AJAP1: variants seen among roughly 807,000 people sequenced by gnomAD.
AJAP1 encodes the protein adherens junction-associated protein 1.
AJAP1 carries 5 observed loss-of-function variants against 35.0 expected under a neutral mutation model. That is an observed-to-expected ratio of 0.14 (90% CI 0.07 to 0.30). The LOEUF is 0.30. Ranked by LOEUF, AJAP1 falls within the 10% of genes least tolerant of loss-of-function variation. The pLI is 1.00. For synonymous variants in AJAP1, 284 were observed against 249.3 expected (o/e 1.14, Z -1.31); for missense variants, 586 against 571.0 (o/e 1.03, Z -0.27).
rs554664356 is a variant in AJAP1 at position 4,770,086 on chromosome 1, C to T, written c.917+146C>T. ...AGTTCAGCTGCCACAGGCTGCTCAC[C>T]GTCCAGCGCTGCCCTTTGGCCCGGC... On this transcript the variant is annotated intron_variant, in intron 3 of 5. Transcript: ENST00000378191. 49 of 722,766 alleles carry T rather than the reference C, an allele frequency of 6.8e-5. No individual in the cohort carries two copies. The South Asian group carries it at 7.0e-4, about 10-fold the overall frequency. The allele number at this position is 722,766 out of a possible 1,614,324, so 44.8% of individuals were successfully genotyped here. A position where few individuals can be genotyped will look rare whatever the true frequency, so the allele number is the denominator to read the frequency against.
At chr1:4,737,794 C>T (rs1640963794) in intron 2 of AJAP1, among the ~76,000 whole-genome samples, 1 of 152,168 alleles carries the variant, frequency 6.6e-6, no homozygotes, top group South Asian at 2.1e-4. Flanking sequence ...CCCAGCTACT[C>T]GAGAGGCTGA....
intron 1 of AJAP1, among the ~76,000 whole-genome samples, chr1:4,701,275 C>G (rs937415056): frequency 4.6e-5 from 7 of 152,242 alleles, no homozygotes; most frequent in Non-Finnish European, 8.8e-5. Flanking sequence ...TAGTCTCCCG[C>G]ACACCCCTGC....
intron 2 of AJAP1, among the ~76,000 whole-genome samples, chr1:4,719,129 A>G (rs1198676641): frequency 2.0e-5 from 3 of 152,164 alleles, no homozygotes. Context: ...GAGTGTAGAG[A>G]TTAAATGTTA....
At chr1:4,679,618 A>C (rs1479304386) in intron 1 of AJAP1, among the ~76,000 whole-genome samples, 1 of 152,138 alleles carries the variant, frequency 6.6e-6, no homozygotes, top group African/African-American at 2.4e-5. Context: ...TGTAGGGTAG[A>C]ATCCTTCCTT....
chr1:4,780,098 T>C (rs7544523), intron 5 of AJAP1, among the ~76,000 whole-genome samples: 112,926 of 145,470 alleles, frequency 0.78, 44,082 homozygotes, highest in East Asian at 0.97. Flanking sequence ...GAGCTGAGAT[T>C]GTGCCACTGC....
chr1:4,762,747 ACC>A lies in AJAP1; in HGVS notation c.830-7103_830-7102del, dbSNP rs1157721883. Among the ~76,000 whole-genome samples the A allele has an allele frequency of 3.3e-5, 5 of 151,884 alleles. No individual in the cohort carries two copies. The South Asian group carries it at 1.0e-3, about 32-fold the overall frequency. ...ATTAAGCCTGAGGGTGATTGTGGGG[ACC>A]CCAAATGGCACTGTGCAACCTTGGG... On this transcript the variant is annotated intron_variant, in intron 2 of 5. Coordinates refer to ENST00000378191, the MANE Select transcript of AJAP1 (RefSeq NM_018836.4).
At chr1:4,764,588 C>A (rs1335902382) in intron 2 of AJAP1, among the ~76,000 whole-genome samples, 1 of 152,216 alleles carries the variant, frequency 6.6e-6, no homozygotes, top group Non-Finnish European at 1.5e-5. Flanking sequence ...CACTTTGAGT[C>A]CCAATGTCAC....
chr1:4,685,252 A>G (rs1389334488), intron 1 of AJAP1, among the ~76,000 whole-genome samples: 4 of 152,236 alleles, frequency 2.6e-5, no homozygotes, highest in African/African-American at 9.6e-5. Flanking sequence ...TGCACCATCA[A>G]TACATTACCT....
rs374563808 is a variant in AJAP1 at position 4,739,924 on chromosome 1, AG to A, written c.829+27226del. On this transcript the variant is annotated intron_variant, in intron 2 of 5. Transcript: ENST00000378191. ...CCCAGGCCTTACCCATCATCTACTG[AG>A]AGGGCTTCCGGGATGGCTTCCCACC... is the stretch of plus-strand genomic sequence containing the variant. 3.2e-4 allele frequency among the ~76,000 whole-genome samples: 48 copies of A among 152,272 alleles called. No homozygotes were observed. In the East Asian group the frequency reaches 9.1e-3, roughly 29 times the overall value.
intron 1 of AJAP1, among the ~76,000 whole-genome samples, chr1:4,699,168 G>A (rs1006550289): frequency 1.3e-5 from 2 of 152,152 alleles, no homozygotes; most frequent in East Asian, 1.9e-4. Context: ...GAGTGGGCCC[G>A]CTGGGAAGCT....
intron 2 of AJAP1, among the ~76,000 whole-genome samples, chr1:4,752,375 G>A (rs1390516317): frequency 6.6e-6 from 1 of 152,086 alleles, no homozygotes; most frequent in Non-Finnish European, 1.5e-5. Flanking sequence ...AAGAGAGGAC[G>A]TCATGATCAG....
intron 2 of AJAP1, among the ~76,000 whole-genome samples, chr1:4,752,947 C>T (rs960500672): frequency 2.0e-5 from 3 of 152,228 alleles, no homozygotes; most frequent in African/African-American, 7.2e-5. Flanking sequence ...TTCCCGCCAA[C>T]CCTTCCTGGG....
intron 2 of AJAP1, among the ~76,000 whole-genome samples, chr1:4,753,249 CTT>C (rs1231640559): frequency 6.6e-6 from 1 of 152,164 alleles, no homozygotes; most frequent in African/African-American, 2.4e-5. Flanking sequence ...GCAGCTTCCT[CTT>C]TGATTCTTCT....
chr1:4,767,767 C>T (rs1480435822), intron 2 of AJAP1, among the ~76,000 whole-genome samples: 1 of 148,558 alleles, frequency 6.7e-6, no homozygotes, highest in East Asian at 2.0e-4. Flanking sequence ...TCCTTCTCAT[C>T]ACAAGAAGCA....
intron 2 of AJAP1, among the ~76,000 whole-genome samples, chr1:4,758,302 AG>A (rs1393855682): frequency 6.6e-6 from 1 of 152,174 alleles, no homozygotes; most frequent in African/African-American, 2.4e-5. Context: ...AAGAAGCATC[AG>A]GGGCTGGCAT....
At chr1:4,680,041 G>A (rs928941658) in intron 1 of AJAP1, among the ~76,000 whole-genome samples, 2 of 152,178 alleles carry the variant, frequency 1.3e-5, no homozygotes, top group Non-Finnish European at 2.9e-5. Flanking sequence ...TGAGACTCAA[G>A]AAGAGCTGAT....
chr1:4,772,468 C>A lies in AJAP1; in HGVS notation c.1106C>A (p.Thr369Asn), dbSNP rs1253547481. 6.2e-7 allele frequency: 1 copy of A among 1,614,234 alleles called. No individual in the cohort carries two copies. Among genetic ancestry groups the A allele is most frequent in the East Asian group, 2.2e-5 (1 of 44,884 alleles). ...GTCAGGGCATCTGTGCCCGTGTACA[C>A]CGATGAGACGCTGCACTCGACGACG... ...ECVRASVPVYTDETLHSTTGE... is the reference protein window; with the variant it reads ...ECVRASVPVYNDETLHSTTGE... The change falls in exon 4 of 6, where the codon ACC becomes AAC. Residue 369 changes from threonine (T) to asparagine (N), a missense_variant. Physicochemically the swap from Thr to Asn is moderately conservative, Grantham distance 65. Coordinates refer to ENST00000378191, the MANE Select transcript of AJAP1 (RefSeq NM_018836.4).
rs1640485749 is a variant in AJAP1 at position 4,720,180 on chromosome 1, G to A, written c.829+7481G>A. Among the ~76,000 whole-genome samples, 1 of 152,192 alleles carries A rather than the reference G, an allele frequency of 6.6e-6. No homozygotes were observed. The highest frequency in any genetic ancestry group is 2.1e-4 in the South Asian group (1 of 4,826). On this transcript the variant is annotated intron_variant, in intron 2 of 5. Transcript: ENST00000378191. The surrounding 1 kb of genome is among the most constrained non-coding windows in gnomAD (Gnocchi z 4.4). ...TCCCGGAGACTCAGCCAAATTCAGAGGCAGACGAACGAGTAATGGACCCAT... is the reference window on the plus strand; with the variant it reads ...TCCCGGAGACTCAGCCAAATTCAGAAGCAGACGAACGAGTAATGGACCCAT...
intron 2 of AJAP1, among the ~76,000 whole-genome samples, chr1:4,722,285 G>A (rs1432629931): frequency 6.6e-6 from 1 of 152,246 alleles, no homozygotes; most frequent in East Asian, 1.9e-4. Flanking sequence ...TAGCAGCACC[G>A]AGCCGCGGGG....
Sources: gnomAD v4.1 joint callset for allele counts (sites outside exome capture counted in the v4.1 genomes callset) on GRCh38, gnomAD v4.1.1 for gene constraint, Gnocchi (gnomAD v3.1) non-coding constraint, MANE v1.5 for transcripts, NCBI Gene and HGNC (gene_info 2026-07-23, HGNC 2026-07-21) for gene names.